CFAP44: variants seen among roughly 807,000 people sequenced by gnomAD.
CFAP44 encodes cilia- and flagella-associated protein 44.
Under a neutral mutation model 216.2 loss-of-function variants are expected in CFAP44, and 134 were observed. The observed-to-expected ratio is 0.62, with a 90% CI of 0.54 to 0.72. The LOEUF (loss-of-function observed/expected upper bound fraction) is 0.72, where lower values mean the gene tolerates loss of function less well. CFAP44 is among the 30% of genes least tolerant of loss of function. The pLI, the probability that CFAP44 is intolerant of heterozygous loss-of-function variation, is 0.00. For missense variants in CFAP44, 2,035 were observed against 2,182.1 expected, an observed-to-expected ratio of 0.93 and a Z score of 1.34; for synonymous variants, 700 against 727.6, an observed-to-expected ratio of 0.96 and a Z score of 0.61.
In CFAP44 at chr3:113,399,936, T is replaced by G; in HGVS notation, c.1539A>C (p.Gly513=). 6.2e-7 allele frequency: 1 copy of G among 1,602,856 alleles called. No individual in the cohort carries two copies. Among genetic ancestry groups the G allele is most frequent in the Non-Finnish European group, 8.5e-7 (1 of 1,175,424 alleles). ...GGGGTACCCAAACAAGGGCAGTACC[T>G]CCTTGTTTGAATTTCATCTGGGCCA... The part of the protein sequence containing the change: ...TPLAQMKFKQ[G]GTALVWVPRM... Residue 513 remains glycine (G), a synonymous_variant, in exon 13 of 35, where the codon GGA becomes GGC. Transcript: ENST00000393845.
At chr3:113,342,459 C>A (rs1950341848) in intron 23 of CFAP44, among the ~76,000 whole-genome samples, 1 of 152,100 alleles carries the variant, frequency 6.6e-6, no homozygotes, top group South Asian at 2.1e-4. Context: ...GCTTTTAAAA[C>A]CCTTATTAAA....
chr3:113,333,314 A>C, intron 25 of CFAP44, 92 bp downstream of exon 25: 1 of 1,078,300 alleles, frequency 9.3e-7, no homozygotes, highest in Non-Finnish European at 1.3e-6. Flanking sequence ...ATATATTCTT[A>C]TTGACCAGAT....
intron 15 of CFAP44, among the ~76,000 whole-genome samples, chr3:113,386,552 G>C (rs1933653350): frequency 6.6e-6 from 1 of 151,750 alleles, no homozygotes; most frequent in Non-Finnish European, 1.5e-5. Flanking sequence ...GAGATGCCTA[G>C]GTTGTACAAT....
At chr3:113,325,141 A>C (rs1391172625) in intron 28 of CFAP44, among the ~76,000 whole-genome samples, 1 of 151,832 alleles carries the variant, frequency 6.6e-6, no homozygotes, top group Non-Finnish European at 1.5e-5. Flanking sequence ...GTCTCTACTA[A>C]AAATAGAAAA....
At chr3:113,395,956 T>C (rs761133990) in intron 14 of CFAP44, 96 bp from the exon 15 acceptor site, 262 of 786,806 alleles carry the variant, frequency 3.3e-4, no homozygotes, top group Non-Finnish European at 4.6e-4. Context: ...GCTATCTCTA[T>C]CTACAATGGT....
rs1401548499 is a variant in CFAP44 at position 113,358,813 on chromosome 3, T to G, written c.2997A>C (p.Gln999His). 6.5e-7 allele frequency: 1 copy of G among 1,536,904 alleles called. No individual in the cohort carries two copies. The highest frequency in any genetic ancestry group is 1.4e-5 in the African/African-American group (1 of 73,170). ...CCCAAGCTAATTCCTTTTCCACTTG[T>G]TGAATTTTGAAAGCTGTTTTTCTGT... is the stretch of plus-strand genomic sequence containing the variant. ...EMHRKTAFKI[Q>H]QVEKELAWEK... The change falls in exon 22 of 35, where the codon CAA becomes CAC. Residue 999 changes from glutamine to histidine, a missense_variant. By Grantham distance (24) the Gln-to-His change is conservative. Around this residue, in one of 3 missense-constraint regions of CFAP44, gnomAD observed 1,883 missense variants for 2,023.7 expected, o/e 0.93. Transcript: ENST00000393845.
chr3:113,320,851 G>T lies in CFAP44; in HGVS notation c.4516+5594C>A, dbSNP rs563685142. Among the ~76,000 whole-genome samples the T allele has an allele frequency of 2.3e-4, 35 of 152,130 alleles. 1 individual carries two copies. In the East Asian group the frequency reaches 6.6e-3, roughly 29 times the overall value. On this transcript the variant is annotated intron_variant, in intron 28 of 34. Coordinates refer to ENST00000393845, the MANE Select transcript of CFAP44 (RefSeq NM_001164496.2). Reference sequence around the variant, plus strand: ...GCCACACTGTCAGCTAATTAGAGGTGCCCACCCAGATTAAGGGTGGGTCTA... The same window carrying T: ...GCCACACTGTCAGCTAATTAGAGGTTCCCACCCAGATTAAGGGTGGGTCTA...
chr3:113,394,292 C>A (rs540056081), intron 15 of CFAP44, among the ~76,000 whole-genome samples: 2 of 152,284 alleles, frequency 1.3e-5, no homozygotes, highest in African/African-American at 4.8e-5. Flanking sequence ...CAAGCTACTT[C>A]TTTAATGTCA....
intron 17 of CFAP44, among the ~76,000 whole-genome samples, chr3:113,378,074 C>T (rs1330382780): frequency 1.3e-5 from 2 of 152,136 alleles, no homozygotes; most frequent in African/African-American, 4.8e-5. Flanking sequence ...TGGGATCTCA[C>T]TATATTACAC....
chr3:113,319,542 A>C (rs1950122081), intron 28 of CFAP44, among the ~76,000 whole-genome samples: 1 of 152,330 alleles, frequency 6.6e-6, no homozygotes, highest in East Asian at 1.9e-4. Flanking sequence ...GCAGAAAACT[A>C]ACAAAAAAAC....
intron 28 of CFAP44, among the ~76,000 whole-genome samples, chr3:113,315,171 A>T (rs1295193039): frequency 6.6e-6 from 1 of 151,426 alleles, no homozygotes; most frequent in Non-Finnish European, 1.5e-5. Context: ...ATCCAATCAT[A>T]CGCTGACTAC....
intron 25 of CFAP44, among the ~76,000 whole-genome samples, chr3:113,331,229 C>T (rs1559913902): frequency 6.6e-6 from 1 of 152,112 alleles, no homozygotes; most frequent in Non-Finnish European, 1.5e-5. Context: ...CAGGATCCTT[C>T]CTTCATTCCT....
At chr3:113,415,466 CTG>C (rs1934619848) in intron 6 of CFAP44, among the ~76,000 whole-genome samples, 1 of 151,984 alleles carries the variant, frequency 6.6e-6, no homozygotes, top group Non-Finnish European at 1.5e-5. Context: ...GGGTGTCAAT[CTG>C]AGATCTTTCT....
In CFAP44 at chr3:113,358,875, C is replaced by A; in HGVS notation, c.2935G>T (p.Asp979Tyr). ...CGGATTTGGGAATCTACATCAAAATCCTGCAGATAAGAAGATCTGTTCATC... is the reference window on the plus strand; with the variant it reads ...CGGATTTGGGAATCTACATCAAAATACTGCAGATAAGAAGATCTGTTCATC... The part of the protein sequence containing the change: ...LPKHMQFKRT[D>Y]FDVDSQIRAE... Residue 979 changes from aspartate to tyrosine, a missense_variant and splice_region_variant, in exon 22 of 35, where the codon GAT becomes TAT. By Grantham distance (160) the Asp-to-Tyr change is radical (BLOSUM62 -3). Transcript: ENST00000393845. 1 of 1,535,718 alleles carries A rather than the reference C, an allele frequency of 6.5e-7. No homozygotes were observed. The highest frequency in any genetic ancestry group is 8.7e-7 in the Non-Finnish European group (1 of 1,146,028).
intron 15 of CFAP44, among the ~76,000 whole-genome samples, chr3:113,385,350 A>G (rs887127601): frequency 6.6e-5 from 10 of 152,342 alleles, no homozygotes; most frequent in African/African-American, 1.9e-4. Flanking sequence ...TTAAAATTCA[A>G]ATAAAGAAAC....
intron 28 of CFAP44, among the ~76,000 whole-genome samples, chr3:113,311,811 T>C (rs1282918901): frequency 2.0e-5 from 3 of 152,150 alleles, no homozygotes; most frequent in East Asian, 3.8e-4. Context: ...CTGATAGTGA[T>C]ATGGACAATA....
chr3:113,414,971 G>A (rs975807928), intron 6 of CFAP44, among the ~76,000 whole-genome samples: 6 of 150,970 alleles, frequency 4.0e-5, no homozygotes, highest in Admixed American at 2.0e-4. Context: ...GTAGAATTCT[G>A]CTGTGAATCT....
chr3:113,321,098 A>G (rs1217153968), intron 28 of CFAP44, among the ~76,000 whole-genome samples: 1 of 152,218 alleles, frequency 6.6e-6, no homozygotes, highest in Non-Finnish European at 1.5e-5. Flanking sequence ...AATATCTCTG[A>G]TGAGCATAGA....
At chr3:113,315,036 A>G (rs1301724075) in intron 28 of CFAP44, among the ~76,000 whole-genome samples, 1 of 152,128 alleles carries the variant, frequency 6.6e-6, no homozygotes, top group African/African-American at 2.4e-5. Flanking sequence ...GAAAACAGAG[A>G]ACATAAACAG....
Sources: allele counts gnomAD v4.1 joint callset (sites outside exome capture counted in the v4.1 genomes callset), GRCh38; gene constraint gnomAD v4.1.1; regional missense constraint gnomAD v4.1.1; transcripts MANE v1.5; gene names NCBI Gene and HGNC (gene_info 2026-07-23, HGNC 2026-07-21).